The following PCDHA6 variants were observed in gnomAD, a reference collection of about 807,000 sequenced individuals.
PCDHA6 encodes the protein protocadherin alpha-6.
In PCDHA6, 55 loss-of-function variants were observed where a neutral mutation model predicts 60.3. The observed-to-expected ratio is 0.91, with a 90% CI of 0.73 to 1.14. PCDHA6 has a LOEUF of 1.14. PCDHA6 is among the 50% of genes most tolerant of loss of function. The pLI is 0.00. For missense variants in PCDHA6, 1,327 were observed against 1,256.5 expected (o/e 1.06, Z -0.85); for synonymous variants, 652 against 557.9 (o/e 1.17, Z -2.38).
intron 1 of PCDHA6, among the ~76,000 whole-genome samples, chr5:140,839,484 G>A (rs1263127603): frequency 1.3e-5 from 2 of 151,800 alleles, no homozygotes; most frequent in African/African-American, 4.8e-5. Context: ...CTGCCTCCTG[G>A]GCTCAAGTGA....
At chr5:140,850,169 G>A in intron 1 of PCDHA6, 2 of 1,594,742 alleles carry the variant, frequency 1.3e-6, no homozygotes, top group Non-Finnish European at 1.7e-6. Flanking sequence ...TGCTGGACGA[G>A]AACGACAATG....
chr5:140,916,582 A>G (rs1191941149), intron 1 of PCDHA6, among the ~76,000 whole-genome samples: 7 of 152,188 alleles, frequency 4.6e-5, no homozygotes, highest in Non-Finnish European at 1.0e-4. Flanking sequence ...AATGTCATCC[A>G]TGAGCTAGGG....
chr5:140,923,189 C>T (rs1452451112), intron 1 of PCDHA6, among the ~76,000 whole-genome samples: 4 of 152,092 alleles, frequency 2.6e-5, no homozygotes, highest in Admixed American at 6.5e-5. Context: ...GCATCTACTG[C>T]AGCAATTTGG....
At chr5:140,983,228 A>T (rs1012242202) in intron 3 of PCDHA6, among the ~76,000 whole-genome samples, 4 of 152,240 alleles carry the variant, frequency 2.6e-5, no homozygotes, top group Non-Finnish European at 4.4e-5. Context: ...CCAAACTTTC[A>T]GGAAAGAGAA....
chr5:140,898,018 C>G (rs1189161004), intron 1 of PCDHA6, among the ~76,000 whole-genome samples: 1 of 152,062 alleles, frequency 6.6e-6, no homozygotes, highest in African/African-American at 2.4e-5. Flanking sequence ...TATCCTTTGC[C>G]CACTTTTTGA....
intron 1 of PCDHA6, chr5:140,882,765 CGG>C: frequency 6.2e-7 from 1 of 1,614,222 alleles, no homozygotes; most frequent in Non-Finnish European, 8.5e-7. Flanking sequence ...GGAGTAAACT[CGG>C]CATTGACCTA....
Position 140,870,763 on chromosome 5 carries a change from G to C in PCDHA6, c.2394+40278G>C, listed in dbSNP as rs1386684596. The stretch of plus-strand genomic sequence containing the variant: ...CAGCAACGTGACGCTGCAGGTGTTC[G>C]TGCTGGACGAGAACGACAACGCGCC... On this transcript the variant is annotated intron_variant, in intron 1 of 3. Transcript: ENST00000529310. 1.1e-5 allele frequency: 18 copies of C among 1,613,434 alleles called. No individual in the cohort carries two copies. Among genetic ancestry groups the C allele is most frequent in the Admixed American group, 3.3e-5 (2 of 60,004 alleles).
chr5:140,852,671 T>C (rs1371221007), intron 1 of PCDHA6: 3 of 965,758 alleles, frequency 3.1e-6, no homozygotes, highest in East Asian at 1.1e-4. Context: ...TCAGCACAAC[T>C]CACCTTGAAT....
Position 140,828,196 on chromosome 5 carries a change from A to C in PCDHA6, c.105A>C (p.Val35=), listed in dbSNP as rs200011304. ...GGAGCGGCCAGCTCCACTACTCCGT[A>C]CCCGAGGAGGCCAAACACGGCACCT... ...KVGSGQLHYS[V]PEEAKHGTFV... is the part of the protein sequence containing the mutation. Residue 35 remains valine, a synonymous_variant, in exon 1 of 4, where the codon GTA becomes GTC. Coordinates refer to ENST00000529310, the MANE Select transcript of PCDHA6 (RefSeq NM_018909.4). 283 of 1,613,856 alleles carry C rather than the reference A, an allele frequency of 1.8e-4. No homozygotes were observed. Among genetic ancestry groups the C allele is most frequent in the East Asian group, 4.2e-4 (19 of 44,894 alleles).
chr5:140,850,436 A>G (rs2150484342), intron 1 of PCDHA6: 1 of 1,597,612 alleles, frequency 6.3e-7, no homozygotes, highest in Admixed American at 1.7e-5. Context: ...GCCAGCGCCT[A>G]CTGGTGCTGG....
At chr5:140,984,339 A>G (rs956761683) in intron 3 of PCDHA6, among the ~76,000 whole-genome samples, 2 of 152,246 alleles carry the variant, frequency 1.3e-5, no homozygotes, top group Non-Finnish European at 2.9e-5. Context: ...AATAGGAACC[A>G]TGTATTGATA....
At position 140,853,114 on chromosome 5, in the gene PCDHA6, C is replaced by T. The variant is rs2150528456; in HGVS notation, c.2394+22629C>T. 11 of 456,802 alleles carry T rather than the reference C, an allele frequency of 2.4e-5. 1 individual carries two copies. The highest frequency in any genetic ancestry group is 1.1e-3 in the Middle Eastern group (1 of 920). The allele number at this position is 456,802 out of a possible 1,614,324, so 28.3% of individuals were successfully genotyped here. On this transcript the variant is annotated intron_variant, in intron 1 of 3. Coordinates refer to ENST00000529310, the MANE Select transcript of PCDHA6 (RefSeq NM_018909.4). ...CAGGATGGTCTCGATCTCCTGACCT[C>T]ATGATCCTCCCGCCTCAGCCTCCCA...
intron 1 of PCDHA6, among the ~76,000 whole-genome samples, chr5:140,886,254 CTA>C (rs1304679943): frequency 6.6e-6 from 1 of 151,720 alleles, no homozygotes; most frequent in Non-Finnish European, 1.5e-5. Flanking sequence ...AAAAGTATCT[CTA>C]TTTATAGATA....
In PCDHA6 at chr5:140,882,102, C is replaced by A. The variant is rs2058951166; in HGVS notation, c.2394+51617C>A. 1.4e-5 allele frequency: 18 copies of A among 1,308,166 alleles called. No individual in the cohort carries two copies. In the South Asian group the frequency reaches 2.1e-4, roughly 16 times the overall value. 81.0% of individuals were successfully genotyped at this position (1,308,166 alleles called of 1,614,324 possible). On this transcript the variant is annotated intron_variant, in intron 1 of 3. Transcript: ENST00000529310. ...TCGCTCTTCACTGAGAACGTTTCCG[C>A]GAAGAAAGCCGCCGTTTCTTTCTTC...
At chr5:140,948,727 T>C (rs2094298087) in intron 1 of PCDHA6, among the ~76,000 whole-genome samples, 2 of 151,670 alleles carry the variant, frequency 1.3e-5, no homozygotes, top group Admixed American at 1.3e-4. Flanking sequence ...TATCAATAAG[T>C]CTAGCTGAGA....
At chr5:140,836,407 C>T (rs2150259988) in intron 1 of PCDHA6, 23 of 1,613,770 alleles carry the variant, frequency 1.4e-5, no homozygotes, top group Non-Finnish European at 1.9e-5. Context: ...AGCGGCCAGG[C>T]ACCAAAGGCG....
At chr5:140,892,894 TC>T (rs1198816126) in intron 1 of PCDHA6, among the ~76,000 whole-genome samples, 8 of 152,158 alleles carry the variant, frequency 5.3e-5, no homozygotes, top group Non-Finnish European at 7.4e-5. Context: ...AACCAACCTT[TC>T]CCCATCCTCC....
At position 140,848,955 on chromosome 5, in the gene PCDHA6, C is replaced by T. The variant is rs2150426444; in HGVS notation, c.2394+18470C>T. On this transcript the variant is annotated intron_variant, in intron 1 of 3. Coordinates refer to ENST00000529310, the MANE Select transcript of PCDHA6 (RefSeq NM_018909.4). ...CAGGCCGCTTGACTCTCGGTTTCCA[C>T]TAGAGGGCGCGTCCGATGCAGATAT... 9.1e-5 allele frequency: 146 copies of T among 1,606,852 alleles called. 6 individuals are homozygous for T. Among genetic ancestry groups the T allele is most frequent in the Middle Eastern group, 1.7e-4 (1 of 6,060 alleles).
chr5:140,841,373 C>T, intron 1 of PCDHA6: 1 of 1,613,502 alleles, frequency 6.2e-7, no homozygotes, highest in East Asian at 2.2e-5. Flanking sequence ...ACTACTCTTG[C>T]TTCTGCTCCT....
Sources: gnomAD v4.1 joint callset for allele counts (sites outside exome capture counted in the v4.1 genomes callset) on GRCh38, gnomAD v4.1.1 for gene constraint, MANE v1.5 for transcripts, NCBI Gene and HGNC (gene_info 2026-07-23, HGNC 2026-07-21) for gene names.